SHANK1: variants seen among roughly 807,000 people sequenced by gnomAD.
SHANK1 encodes the protein SH3 and multiple ankyrin repeat domains protein 1.
SHANK1 carries 35 observed loss-of-function variants against 165.6 expected under a neutral mutation model. The observed-to-expected ratio is 0.21, with a 90% CI of 0.16 to 0.28. The LOEUF (loss-of-function observed/expected upper bound fraction) is 0.28. Among genes scored for constraint, SHANK1 ranks in the 10% least tolerant of loss-of-function variants. The pLI is 1.00. For synonymous variants in SHANK1, 1,428 were observed against 1,384.8 expected, an observed-to-expected ratio of 1.03 and a Z score of -0.69; for missense variants, 2,681 against 3,036.4, an observed-to-expected ratio of 0.88 and a Z score of 2.75.
rs1425845778 is a variant in SHANK1, at chr19:50,706,887, C to T, written c.1078-2373G>A. 3.3e-5 allele frequency among the ~76,000 whole-genome samples: 5 copies of T among 152,218 alleles called. No homozygotes were observed. In the East Asian group the frequency reaches 9.7e-4, roughly 29 times the overall value. ...CTGCCTCCCAGGTTCAAGCGATTCT[C>T]CTGCCTCAGCCTCCCAAGTAGCTGA... On this transcript the variant is annotated intron_variant, in intron 8 of 23. Transcript: ENST00000293441.
chr19:50,709,500 GA>G (rs2123192519), intron 8 of SHANK1, among the ~76,000 whole-genome samples: 1 of 152,094 alleles, frequency 6.6e-6, no homozygotes, highest in African/African-American at 2.4e-5. Flanking sequence ...TCAAGGAGGG[GA>G]AAATGACTTG....
At position 50,697,034 on chromosome 19, in the gene SHANK1, C is replaced by A. The variant is rs887437613; in HGVS notation, c.1964+62G>T. 7.5e-7 allele frequency: 1 copy of A among 1,336,490 alleles called. No individual in the cohort carries two copies. Among genetic ancestry groups the A allele is most frequent in the Non-Finnish European group, 1.0e-6 (1 of 959,298 alleles). 82.8% of individuals were successfully genotyped at this position (1,336,490 alleles called of 1,614,324 possible). A position where few individuals can be genotyped will look rare whatever the true frequency, so the allele number is the denominator to read the frequency against. On this transcript the variant is annotated intron_variant, in intron 15 of 23. Coordinates refer to ENST00000293441, the MANE Select transcript of SHANK1 (RefSeq NM_016148.5). The surrounding 1 kb of genome is among the most constrained non-coding windows in gnomAD (Gnocchi z 4.7). ...CTGGTCGTGCACACACGTTCACACG[C>A]CCCCCAGGCACCCCGTCCTTCCCCT...
At chr19:50,704,216 CA>C (rs750243249) in intron 9 of SHANK1, 30 bp from the exon 10 acceptor site, 61 of 1,606,054 alleles carry the variant, frequency 3.8e-5, no homozygotes, top group Admixed American at 1.0e-4. Flanking sequence ...GCAGGTCGGC[CA>C]GGGGGGCCCA....
In SHANK1 at chr19:50,719,460, T is replaced by TCCCCCCCCC. The variant is rs2089110038; in HGVS notation, c.-99_-98insGGGGGGGGG. On this transcript the variant is annotated 5_prime_UTR_variant, in exon 1 of 24. Transcript: ENST00000293441. Reference sequence around the variant, plus strand: ...GGCGGCGCCCGCGGCCCCTCCCCCCTCCCCCCACCCCCCACCCCCCCGGAG... The same window carrying TCCCCCCCCC: ...GGCGGCGCCCGCGGCCCCTCCCCCCTCCCCCCCCCCCCCCCACCCCCCACCCCCCCGGAG... The TCCCCCCCCC allele has an allele frequency of 7.8e-5, 2 of 25,692 alleles. No individual in the cohort carries two copies. The highest frequency in any genetic ancestry group is 1.5e-4 in the Non-Finnish European group (2 of 12,996). 1.6% of individuals were successfully genotyped at this position (25,692 alleles called of 1,614,324 possible). A position where few individuals can be genotyped will look rare whatever the true frequency, so the allele number is the denominator to read the frequency against.
chr19:50,707,915 T>C (rs1029294953), intron 8 of SHANK1, among the ~76,000 whole-genome samples: 2 of 64,696 alleles, frequency 3.1e-5, no homozygotes, highest in Non-Finnish European at 6.8e-5. Context: ...TCTTTTCTTT[T>C]CTTTTCTTTT....
Position 50,717,963 on chromosome 19 carries a change from G to A in SHANK1, c.-43-1001C>T, listed in dbSNP as rs1316711633. On this transcript the variant is annotated intron_variant, in intron 1 of 23. Transcript: ENST00000293441. The surrounding 1 kb of genome is among the most constrained non-coding windows in gnomAD (Gnocchi z 5.5). ...TATGAGGGTGGAGCCCCTTCCAAAT[G>A]GGGTCCGCCTCCCTTCTGTTCTCCC... Among the ~76,000 whole-genome samples, 2 of 152,002 alleles carry A rather than the reference G, an allele frequency of 1.3e-5. No individual in the cohort carries two copies. The highest frequency in any genetic ancestry group is 2.9e-5 in the Non-Finnish European group (2 of 67,976).
rs960162033 is a variant in SHANK1, at chr19:50,703,429, G to A, written c.1553+71C>T. 51 of 1,361,994 alleles carry A rather than the reference G, an allele frequency of 3.7e-5. No homozygotes were observed. In the African/African-American group the frequency reaches 5.9e-4, roughly 16 times the overall value. The allele number at this position is 1,361,994 out of a possible 1,614,324, so 84.4% of individuals were successfully genotyped here. On this transcript the variant is annotated intron_variant, in intron 11 of 23. Coordinates refer to ENST00000293441, the MANE Select transcript of SHANK1 (RefSeq NM_016148.5). ...GAGGAAGGCAGCTGGGCTGGCCTCGGGGGAAGCCGCCGATCTGGAGAGGGG... is the reference window on the plus strand; with the variant it reads ...GAGGAAGGCAGCTGGGCTGGCCTCGAGGGAAGCCGCCGATCTGGAGAGGGG...
At position 50,666,733 on chromosome 19, in the gene SHANK1, G is replaced by C; in HGVS notation, c.5227C>G (p.Pro1743Ala). ...DGQAFGGSST[P>A]GPPYPPQLMT... Reference sequence around the variant, plus strand: ...AGCTGAGGAGGGTATGGCGGGCCGGGAGTACTGCTGCCCCCAAAGGCCTGG... The same window carrying C: ...AGCTGAGGAGGGTATGGCGGGCCGGCAGTACTGCTGCCCCCAAAGGCCTGG... The change falls in exon 23 of 24, where the codon CCC becomes GCC. Residue 1743 changes from proline (P) to alanine (A), a missense_variant. By Grantham distance (27) the Pro-to-Ala change is conservative (BLOSUM62 -1). This residue lies in a region of SHANK1 where 1,713 missense variants were observed against 1,630.2 expected (regional missense o/e 1.05). Coordinates refer to ENST00000293441, the MANE Select transcript of SHANK1 (RefSeq NM_016148.5). The C allele has an allele frequency of 1.3e-6, 2 of 1,567,736 alleles. No individual in the cohort carries two copies. The highest frequency in any genetic ancestry group is 2.3e-5 in the South Asian group (2 of 85,642).
intron 23 of SHANK1, among the ~76,000 whole-genome samples, chr19:50,665,988 G>A (rs1361971236): frequency 6.7e-6 from 1 of 150,306 alleles, no homozygotes; most frequent in East Asian, 1.9e-4. Flanking sequence ...TCCAGCCTGG[G>A]CAACAAGAGT....
chr19:50,689,033 G>A (rs907317738), intron 16 of SHANK1, 65 bp from the exon 17 acceptor site: 1 of 1,278,162 alleles, frequency 7.8e-7, no homozygotes. Context: ...CAGGGGATGG[G>A]GCTCAGACCC....
rs771620821 is a variant in SHANK1 at position 50,697,562 on chromosome 19, G to A, written c.1937+27C>T. On this transcript the variant is annotated intron_variant, in intron 14 of 23. Transcript: ENST00000293441. The surrounding 1 kb of genome is among the most constrained non-coding windows in gnomAD (Gnocchi z 4.7). ...GTGAAGGGAACTTGGGGTGAGGGGG[G>A]TTGCCCGAGGGTGTAAGGACATTTA... is the stretch of plus-strand genomic sequence containing the variant. 1.3e-6 allele frequency: 2 copies of A among 1,576,792 alleles called. No individual in the cohort carries two copies.
intron 21 of SHANK1, among the ~76,000 whole-genome samples, chr19:50,673,951 C>A (rs1327520443): frequency 6.6e-6 from 1 of 151,868 alleles, no homozygotes; most frequent in African/African-American, 2.4e-5. Context: ...ACAATCACAT[C>A]CAGTTAATTT....
chr19:50,696,950 C>T, intron 15 of SHANK1, 146 bp downstream of exon 15: 2 of 721,558 alleles, frequency 2.8e-6, no homozygotes, highest in Non-Finnish European at 5.0e-6. Flanking sequence ...CACATGCACA[C>T]AGATGCGTGT....
At position 50,660,892 on chromosome 19, in the gene SHANK1, A is replaced by C. The variant is rs1192007274; in HGVS notation, c.*1073T>G. On this transcript the variant is annotated 3_prime_UTR_variant, in exon 24 of 24. Transcript: ENST00000293441. ...AACAGTTTCTGGGAGGCAAGTGTGCAAAAGGCGTGACCAAAAGTGACGGTG... is the reference window on the plus strand; with the variant it reads ...AACAGTTTCTGGGAGGCAAGTGTGCCAAAGGCGTGACCAAAAGTGACGGTG... Among the ~76,000 whole-genome samples the C allele has an allele frequency of 1.3e-5, 2 of 150,908 alleles. No individual in the cohort carries two copies. Among genetic ancestry groups the C allele is most frequent in the Non-Finnish European group, 3.0e-5 (2 of 67,748 alleles).
chr19:50,708,527 G>C lies in SHANK1; in HGVS notation c.1077+2844C>G, dbSNP rs193031489. ...CCTCGCCCTCCCCAGGCCAGATGCT[G>C]TGTCTGATTCATCTCACATCCCCAA... On this transcript the variant is annotated intron_variant, in intron 8 of 23. Coordinates refer to ENST00000293441, the MANE Select transcript of SHANK1 (RefSeq NM_016148.5). Among the ~76,000 whole-genome samples, 3 of 139,346 alleles carry C rather than the reference G, an allele frequency of 2.2e-5. No homozygotes were observed. The East Asian group carries it at 6.3e-4, about 29-fold the overall frequency. 91.4% of individuals were successfully genotyped at this position (139,346 alleles called of 152,430 possible). A position where few individuals can be genotyped will look rare whatever the true frequency, so the allele number is the denominator to read the frequency against.
chr19:50,674,789 C>T (rs769077404), intron 21 of SHANK1, among the ~76,000 whole-genome samples: 1 of 152,008 alleles, frequency 6.6e-6, no homozygotes, highest in Non-Finnish European at 1.5e-5. Flanking sequence ...TTGCTGGGCA[C>T]GGTGGCTCAT....
chr19:50,683,331 T>C (rs191573948), intron 21 of SHANK1, among the ~76,000 whole-genome samples: 5 of 152,310 alleles, frequency 3.3e-5, no homozygotes, highest in African/African-American at 4.8e-5. Context: ...CAATTGTGGC[T>C]ATATGCAGTA....
In SHANK1 at chr19:50,716,841, C is replaced by T. The variant is rs533410806; in HGVS notation, c.79G>A (p.Asp27Asn). The T allele has an allele frequency of 8.9e-5, 139 of 1,554,534 alleles. No individual in the cohort carries two copies. The highest frequency in any genetic ancestry group is 8.7e-4 in the South Asian group (72 of 83,060). Residue 27 changes from aspartate (D) to asparagine (N), a missense_variant, in exon 2 of 24, where the codon GAC becomes AAC. This residue lies in a region of SHANK1 where 118 missense variants were observed against 106.9 expected (regional missense o/e 1.10). Coordinates refer to ENST00000293441, the MANE Select transcript of SHANK1 (RefSeq NM_016148.5). This position sits in a 1 kb window ranked among gnomAD's most constrained non-coding sequence, Gnocchi z 8.4. Reference sequence around the variant, plus strand: ...CGACCTGGCCCGTCTGGGGAGCTGTCGGACTCTGAGCCCCCCTCGGGACAC... The same window carrying T: ...CGACCTGGCCCGTCTGGGGAGCTGTTGGACTCTGAGCCCCCCTCGGGACAC... The part of the protein sequence containing the change: ...SECPEGGSES[D>N]SSPDGPGRGP...
intron 8 of SHANK1, 152 bp downstream of exon 8, chr19:50,711,219 G>GGAA (rs2089005649): frequency 2.0e-6 from 1 of 496,522 alleles, no homozygotes; most frequent in African/African-American, 2.2e-5. Flanking sequence ...GATGGATGGA[G>GGAA]GAATGAATGG....
Sources: gnomAD v4.1 joint callset for allele counts (sites outside exome capture counted in the v4.1 genomes callset) on GRCh38, gnomAD v4.1.1 for gene constraint, gnomAD v4.1.1 regional missense constraint, Gnocchi (gnomAD v3.1) non-coding constraint, MANE v1.5 for transcripts, NCBI Gene and HGNC (gene_info 2026-07-23, HGNC 2026-07-21) for gene names.